The following DGKI variants were observed in gnomAD, a reference collection of about 807,000 sequenced individuals.
DGKI encodes the protein diacylglycerol kinase iota.
DGKI carries 55 observed loss-of-function variants against 147.5 expected under a neutral mutation model. The ratio of observed to expected loss-of-function variants is 0.37; its 90% confidence interval spans 0.30 to 0.47. The LOEUF is 0.47. DGKI is among the 20% of genes least tolerant of loss of function. DGKI has a pLI of 1.00. For synonymous variants in DGKI, 469 were observed against 477.1 expected, an observed-to-expected ratio of 0.98 and a Z score of 0.22; for missense variants, 1,007 against 1,323.8, an observed-to-expected ratio of 0.76 and a Z score of 3.71.
chr7:137,459,334 T>C (rs1380106091), intron 27 of DGKI, among the ~76,000 whole-genome samples: 1 of 152,116 alleles, frequency 6.6e-6, no homozygotes, highest in Non-Finnish European at 1.5e-5. Context: ...GGCACAAAAA[T>C]GCCCTGGGTG....
At chr7:137,566,460 G>C (rs1818589461) in intron 19 of DGKI, among the ~76,000 whole-genome samples, 1 of 151,978 alleles carries the variant, frequency 6.6e-6, no homozygotes, top group Admixed American at 6.6e-5. Context: ...TATACATTTA[G>C]AGGTCATAGA....
intron 19 of DGKI, among the ~76,000 whole-genome samples, chr7:137,557,199 G>A (rs1196849248): frequency 6.6e-6 from 1 of 152,036 alleles, no homozygotes; most frequent in African/African-American, 2.4e-5. Flanking sequence ...CTTTTGTTCT[G>A]TTTCTTTGGA....
intron 12 of DGKI, among the ~76,000 whole-genome samples, chr7:137,592,939 G>A (rs1819665856): frequency 6.6e-6 from 1 of 152,164 alleles, no homozygotes; most frequent in South Asian, 2.1e-4. Flanking sequence ...CAGTGAGAGA[G>A]GATGAAATAT....
chr7:137,514,276 T>TA (rs1816678208), intron 21 of DGKI, among the ~76,000 whole-genome samples: 1 of 152,184 alleles, frequency 6.6e-6, no homozygotes, highest in African/African-American at 2.4e-5. Context: ...ATGGGACCAC[T>TA]GTTGTATATG....
intron 28 of DGKI, among the ~76,000 whole-genome samples, chr7:137,412,520 T>C (rs1487512330): frequency 6.6e-6 from 1 of 151,974 alleles, no homozygotes; most frequent in Non-Finnish European, 1.5e-5. Flanking sequence ...ACTGGGCAAA[T>C]CATTTAACCC....
chr7:137,499,798 A>C (rs1207528539), intron 21 of DGKI, among the ~76,000 whole-genome samples: 1 of 152,150 alleles, frequency 6.6e-6, no homozygotes, highest in African/African-American at 2.4e-5. Flanking sequence ...CTTCTTGGCC[A>C]CTATAATTGC....
At chr7:137,615,843 T>C (rs1381018719) in intron 8 of DGKI, among the ~76,000 whole-genome samples, 1 of 152,094 alleles carries the variant, frequency 6.6e-6, no homozygotes, top group Non-Finnish European at 1.5e-5. Context: ...AGAGTTTCAA[T>C]AGAAGAGTTT....
chr7:137,729,973 G>A (rs1794825119), intron 1 of DGKI, among the ~76,000 whole-genome samples: 1 of 152,184 alleles, frequency 6.6e-6, no homozygotes, highest in Admixed American at 6.5e-5. Flanking sequence ...AGGAAAGAGT[G>A]TTGTGACTGA....
chr7:137,568,110 T>C (rs986294855), intron 19 of DGKI, among the ~76,000 whole-genome samples: 1 of 152,190 alleles, frequency 6.6e-6, no homozygotes, highest in African/African-American at 2.4e-5. Flanking sequence ...GAATGCTGAA[T>C]AAAGTAAATG....
At chr7:137,679,376 C>T (rs537314765) in intron 2 of DGKI, among the ~76,000 whole-genome samples, 27 of 147,726 alleles carry the variant, frequency 1.8e-4, no homozygotes, top group Non-Finnish European at 3.4e-4. Flanking sequence ...ATGTGTAGTG[C>T]GGTATTGGGG....
In DGKI at chr7:137,657,625, C is replaced by A. The variant is rs1379810661; in HGVS notation, c.607-1085G>T. On this transcript the variant is annotated intron_variant, in intron 3 of 32. Coordinates refer to ENST00000614521, the MANE Select transcript of DGKI (RefSeq NM_001321708.2). The stretch of plus-strand genomic sequence containing the variant: ...CTGAAAGAAATGTACTATAACTAAG[C>A]CTGTCTGTCAGATGGGCTATCAAAG... Among the ~76,000 whole-genome samples the A allele has an allele frequency of 2.0e-5, 3 of 152,128 alleles. No individual in the cohort carries two copies. The South Asian group carries it at 6.2e-4, about 32-fold the overall frequency.
chr7:137,648,980 T>C (rs1166858900), intron 5 of DGKI, among the ~76,000 whole-genome samples: 3 of 152,192 alleles, frequency 2.0e-5, no homozygotes, highest in Non-Finnish European at 4.4e-5. Context: ...ACAAAATCAC[T>C]ATCGTAGAAG....
chr7:137,726,749 T>C (rs1794729903), intron 1 of DGKI, among the ~76,000 whole-genome samples: 1 of 152,186 alleles, frequency 6.6e-6, no homozygotes, highest in Admixed American at 6.5e-5. Context: ...TCAAAAAATA[T>C]CTTTAGGGTT....
chr7:137,620,019 G>GCACGCACA (rs1554442879), intron 7 of DGKI, 79 bp from the exon 8 acceptor site: 1 of 481,616 alleles, frequency 2.1e-6, no homozygotes, highest in Non-Finnish European at 3.9e-6. Flanking sequence ...ATGTACACAC[G>GCACGCACA]CACACACACA....
chr7:137,419,235 C>G (rs1380590058), intron 28 of DGKI, among the ~76,000 whole-genome samples: 1 of 152,198 alleles, frequency 6.6e-6, no homozygotes, highest in Non-Finnish European at 1.5e-5. Context: ...AGTAAATTTA[C>G]AGTTTTAAGG....
At chr7:137,606,645 A>G (rs1039362583) in intron 10 of DGKI, among the ~76,000 whole-genome samples, 7 of 152,204 alleles carry the variant, frequency 4.6e-5, no homozygotes, top group Admixed American at 3.3e-4. Context: ...CCTCTGTTCA[A>G]AAGCCAAAAG....
chr7:137,734,172 T>A (rs1039495725), intron 1 of DGKI, among the ~76,000 whole-genome samples: 3 of 152,038 alleles, frequency 2.0e-5, no homozygotes, highest in Non-Finnish European at 2.9e-5. Flanking sequence ...TCCCTTCTAA[T>A]AAACAGAATA....
At chr7:137,531,245 T>C (rs1817327418) in intron 20 of DGKI, among the ~76,000 whole-genome samples, 2 of 152,136 alleles carry the variant, frequency 1.3e-5, no homozygotes, top group South Asian at 2.1e-4. Context: ...TTAAGAACTG[T>C]TGGAATGGGA....
rs985661020 is a variant in DGKI at position 137,739,256 on chromosome 7, C to T, written c.402-49254G>A. On this transcript the variant is annotated intron_variant, in intron 1 of 32. Coordinates refer to ENST00000614521, the MANE Select transcript of DGKI (RefSeq NM_001321708.2). ...GTGCCTAAAGGGCTGTTTTCTCCTA[C>T]GGCACATTTTTCAACATTCACATCA... Among the ~76,000 whole-genome samples, 8 of 152,146 alleles carry T rather than the reference C, an allele frequency of 5.3e-5. No individual in the cohort carries two copies. The East Asian group carries it at 7.7e-4, about 15-fold the overall frequency.
Sources: gnomAD v4.1 joint callset for allele counts (sites outside exome capture counted in the v4.1 genomes callset) on GRCh38, gnomAD v4.1.1 for gene constraint, MANE v1.5 for transcripts, NCBI Gene and HGNC (gene_info 2026-07-23, HGNC 2026-07-21) for gene names.